CARMIL1: variants seen among roughly 807,000 people sequenced by gnomAD.
CARMIL1 encodes F-actin-uncapping protein LRRC16A.
CARMIL1 carries 90 observed loss-of-function variants against 177.1 expected under a neutral mutation model. The ratio of observed to expected loss-of-function variants is 0.51; its 90% CI spans 0.43 to 0.61. The LOEUF (loss-of-function observed/expected upper bound fraction) is 0.61. Among genes scored for constraint, CARMIL1 ranks in the 20% least tolerant of loss-of-function variants. The probability of loss-of-function intolerance (pLI) is 0.00; values close to 1 mark genes in which losing one functional copy is unlikely to be tolerated. For synonymous variants in CARMIL1, 577 were observed against 606.2 expected, an observed-to-expected ratio of 0.95 and a Z score of 0.71; for missense variants, 1,380 against 1,667.0, an observed-to-expected ratio of 0.83 and a Z score of 3.00.
At chr6:25,389,230 T>C (rs1429977505) in intron 2 of CARMIL1, 2 of 152,172 alleles carry the variant, frequency 1.3e-5, no homozygotes, top group South Asian at 2.1e-4. Flanking sequence ...TATTTCTTAA[T>C]TGGAGTCTAT....
At position 25,390,323 on chromosome 6, in the gene CARMIL1, T is replaced by A. The variant is rs1328333662; in HGVS notation, c.139-29791T>A. The stretch of plus-strand genomic sequence containing the variant: ...ATATATATATATATATATATATATT[T>A]TTTTTTTTTTTTTTTTGAGACAGGG... On this transcript the variant is annotated intron_variant, in intron 2 of 36. Coordinates refer to ENST00000329474, the MANE Select transcript of CARMIL1 (RefSeq NM_017640.6). 5.2e-3 allele frequency among the ~76,000 whole-genome samples: 574 copies of A among 110,870 alleles called. 2 individuals carry two copies. The highest frequency in any genetic ancestry group is 0.021 in the East Asian group (69 of 3,242). 72.7% of individuals were successfully genotyped at this position (110,870 alleles called of 152,430 possible).
At chr6:25,374,036 A>G (rs1181079571) in intron 2 of CARMIL1, among the ~76,000 whole-genome samples, 2 of 152,124 alleles carry the variant, frequency 1.3e-5, no homozygotes, top group Non-Finnish European at 2.9e-5. Context: ...TTCTGCTCTA[A>G]TGAAAAGGTC....
intron 27 of CARMIL1, among the ~76,000 whole-genome samples, chr6:25,553,129 A>G (rs1429669468): frequency 6.6e-6 from 1 of 152,220 alleles, no homozygotes; most frequent in African/African-American, 2.4e-5. Flanking sequence ...CCTTTAGGTT[A>G]GCAAGATTTT....
intron 2 of CARMIL1, among the ~76,000 whole-genome samples, chr6:25,392,351 TTTC>T (rs1792945028): frequency 6.6e-6 from 1 of 152,156 alleles, no homozygotes; most frequent in African/African-American, 2.4e-5. Flanking sequence ...ATCTTGGAAT[TTTC>T]TTTATATCAA....
intron 2 of CARMIL1, among the ~76,000 whole-genome samples, chr6:25,356,487 G>A (rs1389063988): frequency 6.6e-6 from 1 of 152,170 alleles, no homozygotes; most frequent in Non-Finnish European, 1.5e-5. Flanking sequence ...TTAAAGAGAG[G>A]GAATATCTGG....
At chr6:25,420,970 C>G (rs1795809808) in intron 3 of CARMIL1, among the ~76,000 whole-genome samples, 1 of 152,134 alleles carries the variant, frequency 6.6e-6, no homozygotes, top group Admixed American at 6.5e-5. Context: ...CTCATGAGAG[C>G]TATAAGTCTT....
intron 35 of CARMIL1, among the ~76,000 whole-genome samples, chr6:25,606,477 G>A (rs1453983764): frequency 1.3e-5 from 2 of 152,224 alleles, no homozygotes; most frequent in Admixed American, 6.5e-5. Context: ...GGCCCACCAT[G>A]TGTGAGAGTT....
At chr6:25,454,999 G>T (rs1289042682) in intron 8 of CARMIL1, among the ~76,000 whole-genome samples, 1 of 152,182 alleles carries the variant, frequency 6.6e-6, no homozygotes, top group Non-Finnish European at 1.5e-5. Context: ...TGGGCTATGT[G>T]TTGAGCTGGA....
chr6:25,388,004 G>A (rs374989516), intron 2 of CARMIL1, among the ~76,000 whole-genome samples: 5 of 152,310 alleles, frequency 3.3e-5, no homozygotes, highest in African/African-American at 1.2e-4. Flanking sequence ...AAGAAAAAAA[G>A]AGAAAAAGAT....
intron 2 of CARMIL1, among the ~76,000 whole-genome samples, chr6:25,344,405 C>T (rs1441633872): frequency 6.6e-6 from 1 of 152,154 alleles, no homozygotes; most frequent in Non-Finnish European, 1.5e-5. Flanking sequence ...ACCCCTCAGG[C>T]TTGGTCATTC....
At chr6:25,293,776 C>T (rs1782176367) in intron 2 of CARMIL1, among the ~76,000 whole-genome samples, 1 of 152,014 alleles carries the variant, frequency 6.6e-6, no homozygotes, top group African/African-American at 2.4e-5. Flanking sequence ...GGCTGATGTG[C>T]AGTGGCATGA....
At chr6:25,340,076 A>T (rs1283405210) in intron 2 of CARMIL1, among the ~76,000 whole-genome samples, 7 of 152,164 alleles carry the variant, frequency 4.6e-5, no homozygotes, top group South Asian at 2.1e-4. Flanking sequence ...ATTCTTGCAG[A>T]TCCATTGCCC....
intron 2 of CARMIL1, among the ~76,000 whole-genome samples, chr6:25,325,103 A>G (rs1470628504): frequency 6.6e-6 from 1 of 152,228 alleles, no homozygotes; most frequent in African/African-American, 2.4e-5. Flanking sequence ...AAAGTTCTAT[A>G]TAAAACTTAC....
intron 2 of CARMIL1, among the ~76,000 whole-genome samples, chr6:25,347,671 T>C (rs1306729954): frequency 6.6e-6 from 1 of 152,258 alleles, no homozygotes; most frequent in Non-Finnish European, 1.5e-5. Context: ...AGTTCCCATA[T>C]ACCCTTTACT....
rs544010564 is a variant in CARMIL1 at position 25,506,426 on chromosome 6, A to C, written c.1396-3230A>C. 2.0e-5 allele frequency among the ~76,000 whole-genome samples: 3 copies of C among 152,284 alleles called. No individual in the cohort carries two copies. The South Asian group carries it at 6.2e-4, about 32-fold the overall frequency. On this transcript the variant is annotated intron_variant, in intron 17 of 36. Transcript: ENST00000329474. ...CTAGGCATGGTAGTGCACGCCTGTA[A>C]TCCCAGCTACTTGGGAGGCTGAGGC...
chr6:25,550,343 C>T (rs1809958657), intron 26 of CARMIL1, among the ~76,000 whole-genome samples: 1 of 151,992 alleles, frequency 6.6e-6, no homozygotes, highest in Non-Finnish European at 1.5e-5. Context: ...TAGTTTATTG[C>T]TGTCATAATA....
In CARMIL1 at chr6:25,619,471, AG is replaced by A. The variant is rs1222263238; in HGVS notation, c.4006del (p.Ala1336ProfsTer98). 1 of 1,612,874 alleles carries A rather than the reference AG, an allele frequency of 6.2e-7. No homozygotes were observed. Among genetic ancestry groups the A allele is most frequent in the Admixed American group, 1.7e-5 (1 of 59,806 alleles). The part of the protein sequence containing the change: ...QEVSRRSWGQ[Q>X]AQEYQEQKQR... The stretch of plus-strand genomic sequence containing the variant: ...GTTTCAAGGAGAAGCTGGGGCCAGC[AG>A]GCCCAGGAGTATCAAGAACAAAAGC... On this transcript the variant is annotated frameshift_variant, in exon 37 of 37. Coordinates refer to ENST00000329474, the MANE Select transcript of CARMIL1 (RefSeq NM_017640.6). LOFTEE classifies it high-confidence loss of function.
chr6:25,512,354 A>G (rs1398422583), intron 20 of CARMIL1, among the ~76,000 whole-genome samples: 5 of 152,236 alleles, frequency 3.3e-5, no homozygotes, highest in African/African-American at 9.6e-5. Context: ...ACAAGTTTGA[A>G]TAGAGTGGCA....
At chr6:25,587,862 G>A (rs1255355721) in intron 31 of CARMIL1, among the ~76,000 whole-genome samples, 2 of 152,154 alleles carry the variant, frequency 1.3e-5, no homozygotes, top group Non-Finnish European at 2.9e-5. Flanking sequence ...CATTTTCTCA[G>A]GTACCAGAAT....
Sources: gnomAD v4.1 joint callset for allele counts (sites outside exome capture counted in the v4.1 genomes callset) on GRCh38, gnomAD v4.1.1 for gene constraint, MANE v1.5 for transcripts, NCBI Gene and HGNC (gene_info 2026-07-23, HGNC 2026-07-21) for gene names.